The following IAH1 variants were observed in gnomAD, a reference collection of about 807,000 sequenced individuals.
IAH1 encodes the protein isoamyl acetate-hydrolyzing esterase 1 homolog.
A neutral mutation model predicts 26.7 loss-of-function variants in IAH1; 24 were observed. That is an observed-to-expected ratio of 0.90 (90% CI 0.65 to 1.26). The LOEUF (loss-of-function observed/expected upper bound fraction) is 1.26, where lower values mean the gene tolerates loss of function less well. Ranked by LOEUF, IAH1 falls within the 50% of genes most tolerant of loss-of-function variation. IAH1 has a pLI of 0.00. For missense variants in IAH1, 300 were observed against 299.9 expected (o/e 1.00, Z 0.00); for synonymous variants, 140 against 118.5 (o/e 1.18, Z -1.18).
chr2:9,476,036 T>C lies in IAH1; in HGVS notation c.131T>C (p.Val44Ala), dbSNP rs1472398055. ...GGAGCATCGCTGGCTGACAGGCTGG[T>C]CAGGTGAGAATGGTTTCCGATACTT... is the stretch of plus-strand genomic sequence containing the variant. ...GWGASLADRL[V>A]RKCDVLNRGF... Residue 44 changes from valine (V) to alanine (A), a missense_variant, in exon 2 of 6, where the codon GTC becomes GCC. By Grantham distance (64) the Val-to-Ala change is moderately conservative. Coordinates refer to ENST00000497473, the MANE Select transcript of IAH1 (RefSeq NM_001039613.3). 1 of 1,613,340 alleles carries C rather than the reference T, an allele frequency of 6.2e-7. No homozygotes were observed. The highest frequency in any genetic ancestry group is 1.7e-5 in the Admixed American group (1 of 60,012).
chr2:9,487,569 CAA>C (rs1404601905), intron 5 of IAH1: 1 of 152,074 alleles, frequency 6.6e-6, no homozygotes, highest in African/African-American at 2.4e-5. Context: ...TCATGAAACT[CAA>C]TTCTATAATA....
downstream of IAH1, chr2:9,497,324 T>G (rs1005401734): frequency 7.6e-6 from 12 of 1,571,742 alleles, no homozygotes; most frequent in Admixed American, 3.6e-5. Flanking sequence ...AATACGCTGT[T>G]TCTCATACAA....
chr2:9,483,139 C>T lies in IAH1; in HGVS notation c.446-1293C>T, dbSNP rs565038393. Among the ~76,000 whole-genome samples the T allele has an allele frequency of 3.3e-5, 5 of 152,298 alleles. No individual in the cohort carries two copies. In the East Asian group the frequency reaches 9.6e-4, roughly 29 times the overall value. ...AAATTCTGAATGTTTAATTTCATTT[C>T]CCCTTTCTAGCCTTGAATGTAGCCC... On this transcript the variant is annotated intron_variant, in intron 4 of 5. Coordinates refer to ENST00000497473, the MANE Select transcript of IAH1 (RefSeq NM_001039613.3).
At chr2:9,490,441 G>A (rs755792086), downstream of IAH1, 6 of 1,614,072 alleles carry the variant, frequency 3.7e-6, no homozygotes, top group Non-Finnish European at 5.1e-6. Flanking sequence ...GCTGCAGGCG[G>A]CCTGGAGTCT....
chr2:9,479,942 G>A (rs193097618), intron 3 of IAH1, among the ~76,000 whole-genome samples: 1 of 151,392 alleles, frequency 6.6e-6, no homozygotes, highest in African/African-American at 2.4e-5. Context: ...CCGAGTAGCT[G>A]GGATTATAGG....
At chr2:9,474,184 A>G (rs1682329171), upstream of IAH1, among the ~76,000 whole-genome samples, 1 of 151,450 alleles carries the variant, frequency 6.6e-6, no homozygotes, top group South Asian at 2.1e-4. This position sits in a 1 kb window ranked among gnomAD's most constrained non-coding sequence, Gnocchi z 4.3. Flanking sequence ...GACCTCTTCC[A>G]GGGGGGCCTG....
chr2:9,487,842 G>GCGCGCA (rs1553354426), intron 5 of IAH1, among the ~76,000 whole-genome samples: 50 of 139,602 alleles, frequency 3.6e-4, no homozygotes, highest in African/African-American at 1.4e-3. Flanking sequence ...GTGCGCGCGC[G>GCGCGCA]CGCGCGCGCT....
downstream of IAH1, among the ~76,000 whole-genome samples, chr2:9,492,525 A>G (rs1343636524): frequency 6.6e-6 from 1 of 152,214 alleles, no homozygotes; most frequent in African/African-American, 2.4e-5. Context: ...TATATGGGGA[A>G]CATCTGAAAT....
intron 2 of IAH1, 115 bp downstream of exon 2, chr2:9,476,154 C>G: frequency 5.8e-6 from 5 of 869,064 alleles, no homozygotes; most frequent in Non-Finnish European, 9.3e-6. Context: ...ATTTTGCTTG[C>G]CTCCCCTAAT....
chr2:9,479,050 C>A (rs565424714), intron 3 of IAH1, among the ~76,000 whole-genome samples: 1 of 152,206 alleles, frequency 6.6e-6, no homozygotes, highest in Non-Finnish European at 1.5e-5. Flanking sequence ...CCGTAGGAGA[C>A]CTCTGAGTTG....
chr2:9,495,333 T>A (rs1224469810), intron 6 of IAH1, among the ~76,000 whole-genome samples: 3 of 152,204 alleles, frequency 2.0e-5, no homozygotes, highest in Non-Finnish European at 1.5e-5. Context: ...TGGGCATACA[T>A]AAGAATGGCA....
chr2:9,477,580 C>T (rs890527998), intron 2 of IAH1, among the ~76,000 whole-genome samples: 7 of 151,962 alleles, frequency 4.6e-5, no homozygotes, highest in Admixed American at 2.6e-4. Context: ...ATTCTCCTCA[C>T]TTTACATGTG....
chr2:9,491,208 C>T (rs1055146141), downstream of IAH1: 11 of 1,512,712 alleles, frequency 7.3e-6, no homozygotes, highest in African/African-American at 1.4e-4. Context: ...TTAGTGAGTA[C>T]TATTTCATCA....
At chr2:9,475,193 G>T in intron 1 of IAH1, 1 of 1,289,500 alleles carries the variant, frequency 7.8e-7, no homozygotes, top group Non-Finnish European at 1.0e-6. Flanking sequence ...CACCTCCCAT[G>T]AAGGGAACGG....
chr2:9,507,602 A>C, the IAH1 span, among the ~76,000 whole-genome samples: 1 of 152,230 alleles, frequency 6.6e-6, no homozygotes, highest in Non-Finnish European at 1.5e-5. Context: ...AGAAAAACAC[A>C]GACTAAATAT....
rs1421909803 is a variant in IAH1 at position 9,476,089 on chromosome 2, G to A, written c.134+50G>A. The A allele has an allele frequency of 3.4e-6, 5 of 1,485,924 alleles. No individual in the cohort carries two copies. In the South Asian group the frequency reaches 5.7e-5, roughly 17 times the overall value. The allele number at this position is 1,485,924 out of a possible 1,614,324, so 92.0% of individuals were successfully genotyped here. On this transcript the variant is annotated intron_variant, in intron 2 of 5. Coordinates refer to ENST00000497473, the MANE Select transcript of IAH1 (RefSeq NM_001039613.3). ...GTTCTTATGGATGGAAAATGTCTTA[G>A]GGATCCGTCTTATGGATGAAGGATA...
At chr2:9,508,741 G>A in the IAH1 span, among the ~76,000 whole-genome samples, 4 of 152,064 alleles carry the variant, frequency 2.6e-5, no homozygotes, top group Non-Finnish European at 4.4e-5. Flanking sequence ...CCCCCGCCCC[G>A]CAGCAGAAAG....
Position 9,481,364 on chromosome 2 carries a change from T to C in IAH1, c.362T>C (p.Val121Ala), listed in dbSNP as rs535194713. 6.2e-7 allele frequency: 1 copy of C among 1,614,180 alleles called. No homozygotes were observed. Among genetic ancestry groups the C allele is most frequent in the African/African-American group, 1.3e-5 (1 of 75,044 alleles). Residue 121 changes from valine (V) to alanine (A), a missense_variant, in exon 4 of 6, where the codon GTG becomes GCG. Val to Ala is a moderately conservative substitution (Grantham distance 64). Transcript: ENST00000497473. ...LKSMVQYLKS[V>A]DIPENRVILI... The stretch of plus-strand genomic sequence containing the variant: ...AGCATGGTGCAGTACCTGAAGTCCG[T>C]GGACATCCCTGAGAATCGAGTCATT...
At position 9,474,598 on chromosome 2, in the gene IAH1, G is replaced by C. The variant is rs1572823607; in HGVS notation, c.32G>C (p.Ser11Thr). Residue 11 changes from serine to threonine, a missense_variant, in exon 1 of 6, where the codon AGT (serine) becomes ACT (threonine). Physicochemically the swap from Ser to Thr is moderately conservative, Grantham distance 58. Coordinates refer to ENST00000497473, the MANE Select transcript of IAH1 (RefSeq NM_001039613.3). This position sits in a 1 kb window ranked among gnomAD's most constrained non-coding sequence, Gnocchi z 4.3. ...CTGTGCGAGGCCGCGGGCTGCGGGA[G>C]TGCCCTGCTCTGGCCTCGCTTGTTG... MALCEAAGCG[S>T]ALLWPRLLLF... is the part of the protein sequence containing the mutation. The C allele has an allele frequency of 2.6e-6, 4 of 1,543,076 alleles. No homozygotes were observed. Among genetic ancestry groups the C allele is most frequent in the Non-Finnish European group, 8.7e-7 (1 of 1,149,272 alleles).
Sources: gnomAD v4.1 joint callset for allele counts (sites outside exome capture counted in the v4.1 genomes callset) on GRCh38, gnomAD v4.1.1 for gene constraint, Gnocchi (gnomAD v3.1) non-coding constraint, MANE v1.5 for transcripts, NCBI Gene and HGNC (gene_info 2026-07-23, HGNC 2026-07-21) for gene names.